TBC1D32: variants seen among roughly 807,000 people sequenced by gnomAD.
The protein encoded by TBC1D32 is protein broad-minded.
Under a neutral mutation model 170.3 loss-of-function variants are expected in TBC1D32, and 151 were observed. The observed-to-expected ratio is 0.89, with a 90% CI of 0.78 to 1.01. The LOEUF (loss-of-function observed/expected upper bound fraction) is 1.01. Among genes scored for constraint, TBC1D32 ranks in the 50% least tolerant of loss-of-function variants. TBC1D32 has a pLI of 0.00. For synonymous variants in TBC1D32, 498 were observed against 488.0 expected (o/e 1.02, Z -0.27); for missense variants, 1,464 against 1,457.1 (o/e 1.00, Z -0.08).
intron 5 of TBC1D32, among the ~76,000 whole-genome samples, chr6:121,306,007 G>A (rs117718953): frequency 0.024 from 3,648 of 152,086 alleles, 162 homozygotes; most frequent in East Asian, 0.12. Flanking sequence ...ATAAAATAAA[G>A]GAAACCTATT....
chr6:121,235,502 A>T (rs893901956), intron 20 of TBC1D32, among the ~76,000 whole-genome samples: 2 of 152,084 alleles, frequency 1.3e-5, no homozygotes, highest in African/African-American at 4.8e-5. Flanking sequence ...GCCTCTCCTG[A>T]GTCATACAAA....
intron 26 of TBC1D32, among the ~76,000 whole-genome samples, chr6:121,125,935 T>G (rs1206909875): frequency 1.3e-5 from 2 of 152,256 alleles, no homozygotes; most frequent in East Asian, 3.9e-4. Flanking sequence ...CATAGTGAGT[T>G]TGAGGGATTC....
chr6:121,304,223 G>GAAAAAT lies in TBC1D32; in HGVS notation c.935+136_935+141dup, dbSNP rs953769129. 15 of 633,534 alleles carry GAAAAAT rather than the reference G, an allele frequency of 2.4e-5. No homozygotes were observed. The Admixed American group carries it at 4.9e-4, about 21-fold the overall frequency. The allele number at this position is 633,534 out of a possible 1,614,324, so 39.2% of individuals were successfully genotyped here. A position where few individuals can be genotyped will look rare whatever the true frequency, so the allele number is the denominator to read the frequency against. ...TAAGTATAAAACATGACAAGCTGAA[G>GAAAAAT]AAAAATAAAAATAAAAATTTTATTA... On this transcript the variant is annotated intron_variant, in intron 8 of 31. Coordinates refer to ENST00000398212, the MANE Select transcript of TBC1D32 (RefSeq NM_152730.6).
chr6:121,156,689 T>A (rs1784932636), intron 24 of TBC1D32, among the ~76,000 whole-genome samples: 1 of 152,110 alleles, frequency 6.6e-6, no homozygotes, highest in Admixed American at 6.5e-5. Flanking sequence ...TTTAGCTGCA[T>A]CCCAAAGATG....
intron 4 of TBC1D32, among the ~76,000 whole-genome samples, chr6:121,310,080 T>A (rs186318721): frequency 1.6e-4 from 24 of 151,676 alleles, no homozygotes; most frequent in African/African-American, 5.8e-4. Flanking sequence ...AACAAATGGG[T>A]CAAAATTGCT....
intron 30 of TBC1D32, among the ~76,000 whole-genome samples, chr6:121,102,813 T>G (rs941370755): frequency 6.6e-6 from 1 of 152,108 alleles, no homozygotes; most frequent in Admixed American, 6.6e-5. Flanking sequence ...ACCTACAGAA[T>G]GAGAGAAAAT....
chr6:121,324,264 T>G (rs532149832), intron 1 of TBC1D32, among the ~76,000 whole-genome samples: 1 of 152,308 alleles, frequency 6.6e-6, no homozygotes, highest in African/African-American at 2.4e-5. Flanking sequence ...TTATTTCAAT[T>G]TCTTTCATTT....
At chr6:121,147,407 G>A (rs984046182) in intron 24 of TBC1D32, among the ~76,000 whole-genome samples, 7 of 152,236 alleles carry the variant, frequency 4.6e-5, no homozygotes, top group Admixed American at 3.3e-4. Flanking sequence ...GCTTTCCACA[G>A]TGGCTGAACT....
intron 3 of TBC1D32, among the ~76,000 whole-genome samples, chr6:121,316,349 A>G (rs1405419907): frequency 1.3e-5 from 2 of 152,138 alleles, no homozygotes. Flanking sequence ...GTGAGCCCCC[A>G]GAGTCATAAA....
intron 10 of TBC1D32, among the ~76,000 whole-genome samples, chr6:121,297,896 A>C (rs1189554385): frequency 1.3e-5 from 2 of 152,242 alleles, no homozygotes; most frequent in Middle Eastern, 3.4e-3. Context: ...ACGACATCAG[A>C]GAGCACTGAT....
At chr6:121,217,629 A>T (rs1793996215) in intron 21 of TBC1D32, among the ~76,000 whole-genome samples, 1 of 152,150 alleles carries the variant, frequency 6.6e-6, no homozygotes, top group South Asian at 2.1e-4. Context: ...AACAACAGAC[A>T]CTGGGGCCTA....
chr6:121,195,390 C>A (rs1460891402), intron 22 of TBC1D32, among the ~76,000 whole-genome samples: 1 of 152,170 alleles, frequency 6.6e-6, no homozygotes, highest in Non-Finnish European at 1.5e-5. Flanking sequence ...AACCACTCTA[C>A]TTCTGAGAGA....
chr6:121,123,658 A>G (rs1387241990), intron 26 of TBC1D32, among the ~76,000 whole-genome samples: 1 of 152,082 alleles, frequency 6.6e-6, no homozygotes, highest in Non-Finnish European at 1.5e-5. Flanking sequence ...TGTAGAAAGT[A>G]TATAGTTAGG....
chr6:121,208,716 C>T (rs1792621934), intron 21 of TBC1D32, among the ~76,000 whole-genome samples: 1 of 68,432 alleles, frequency 1.5e-5, no homozygotes, highest in South Asian at 5.4e-4. Context: ...AGCAACAAGA[C>T]ACGAAACACC....
chr6:121,324,441 T>G (rs1810193306), intron 1 of TBC1D32, among the ~76,000 whole-genome samples: 3 of 152,124 alleles, frequency 2.0e-5, no homozygotes, highest in Admixed American at 6.5e-5. Flanking sequence ...GAATAAGTAT[T>G]TAGAATAGCA....
At chr6:121,273,495 T>G (rs753821700) in intron 15 of TBC1D32, among the ~76,000 whole-genome samples, 12 of 144,588 alleles carry the variant, frequency 8.3e-5, no homozygotes, top group Admixed American at 7.3e-5. Flanking sequence ...TGTCGTGGGG[T>G]TGGGGGGGTT....
chr6:121,143,185 T>C (rs999936559), intron 24 of TBC1D32, among the ~76,000 whole-genome samples: 2 of 151,902 alleles, frequency 1.3e-5, no homozygotes, highest in African/African-American at 4.9e-5. Context: ...TAAGTAGATA[T>C]TCTAAGTGAA....
chr6:121,240,999 G>A (rs1453902565), intron 19 of TBC1D32, among the ~76,000 whole-genome samples: 1 of 151,996 alleles, frequency 6.6e-6, no homozygotes, highest in African/African-American at 2.4e-5. Context: ...AAAGCTAAGT[G>A]GTAAGACAAA....
intron 13 of TBC1D32, among the ~76,000 whole-genome samples, chr6:121,283,171 ATTTGTGT>A (rs1803285305): frequency 6.6e-6 from 1 of 151,816 alleles, no homozygotes; most frequent in Non-Finnish European, 1.5e-5. Context: ...TCGTCTCAGA[ATTTGTGT>A]CAGCAATTCT....
Sources: gnomAD v4.1 joint callset for allele counts (sites outside exome capture counted in the v4.1 genomes callset) on GRCh38, gnomAD v4.1.1 for gene constraint, MANE v1.5 for transcripts, NCBI Gene and HGNC (gene_info 2026-07-23, HGNC 2026-07-21) for gene names.